The following HEXD variants were observed in gnomAD, a reference collection of about 807,000 sequenced individuals.
HEXD encodes the protein N-acetyl-beta-galactosaminidase.
HEXD carries 47 observed loss-of-function variants against 54.2 expected under a neutral mutation model. The observed-to-expected ratio is 0.87, with a 90% CI of 0.69 to 1.11. HEXD has a LOEUF of 1.11. Among genes scored for constraint, HEXD ranks in the 50% least tolerant of loss-of-function variants. The pLI, the probability that HEXD is intolerant of heterozygous loss-of-function variation, is 0.00. For missense variants in HEXD, 576 were observed against 649.2 expected (o/e 0.89, Z 1.23); for synonymous variants, 293 against 287.6 (o/e 1.02, Z -0.19).
intron 4 of HEXD, among the ~76,000 whole-genome samples, chr17:82,432,857 A>G (rs1432037183): frequency 6.7e-6 from 1 of 150,284 alleles, no homozygotes; most frequent in Non-Finnish European, 1.5e-5. Flanking sequence ...AGGTCAGGAG[A>G]TCGAGACCAT....
At chr17:82,432,020 T>G (rs1261635419) in intron 4 of HEXD, among the ~76,000 whole-genome samples, 1 of 152,202 alleles carries the variant, frequency 6.6e-6, no homozygotes, top group East Asian at 1.9e-4. Context: ...TGAGATTTTT[T>G]GGTTCTTATT....
intron 2 of HEXD, 151 bp from the exon 3 acceptor site, chr17:82,424,243 C>T (rs1487222954): frequency 6.2e-6 from 4 of 646,676 alleles, no homozygotes; most frequent in Non-Finnish European, 1.1e-5. Flanking sequence ...ACGTAAAGTA[C>T]ACATTCCGGA....
At chr17:82,433,091 A>AAAAAATAT (rs1555617647) in intron 4 of HEXD, among the ~76,000 whole-genome samples, 2 of 13,234 alleles carry the variant, frequency 1.5e-4, no homozygotes, top group Non-Finnish European at 2.1e-4. Flanking sequence ...AAAAAAAAAA[A>AAAAAATAT]ATATATATAT....
chr17:82,442,058 G>C lies in HEXD; in HGVS notation c.1254-119G>C. On this transcript the variant is annotated intron_variant, in intron 12 of 12. Coordinates refer to ENST00000327949, the MANE Select transcript of HEXD (RefSeq NM_001330542.2). The surrounding 1 kb of genome is among the most constrained non-coding windows in gnomAD (Gnocchi z 6.8). ...GACTTGTTCCTCCCGACATGCCGAT[G>C]AGGTAGGGTCAGTAGCCCCATTTCA... 2.2e-6 allele frequency: 3 copies of C among 1,372,718 alleles called. No homozygotes were observed. Among genetic ancestry groups the C allele is most frequent in the Non-Finnish European group, 3.0e-6 (3 of 994,268 alleles). 85.0% of individuals were successfully genotyped at this position (1,372,718 alleles called of 1,614,324 possible).
Position 82,434,360 on chromosome 17 carries a change from CTCAG to C in HEXD, c.447+543_447+546del, listed in dbSNP as rs1330964792. Among the ~76,000 whole-genome samples the C allele has an allele frequency of 4.6e-5, 7 of 152,206 alleles. No homozygotes were observed. The highest frequency in any genetic ancestry group is 1.7e-4 in the African/African-American group (7 of 41,442). On this transcript the variant is annotated intron_variant, in intron 5 of 12. Coordinates refer to ENST00000327949, the MANE Select transcript of HEXD (RefSeq NM_001330542.2). This position sits in a 1 kb window ranked among gnomAD's most constrained non-coding sequence, Gnocchi z 4.5. ...CCTCCTGCCACTCACTGGACTCCAA[CTCAG>C]TCAGGGCCTGGGCAGGATGTGGAAC...
intron 8 of HEXD, 65 bp downstream of exon 8, chr17:82,437,428 G>A (rs2053802337): frequency 2.9e-6 from 4 of 1,386,598 alleles, no homozygotes; most frequent in African/African-American, 1.5e-5. Flanking sequence ...ACGTCGGCCT[G>A]TGCAGCGTCC....
chr17:82,433,120 ATATATATATT>A (rs2053648586), intron 4 of HEXD, among the ~76,000 whole-genome samples: 3 of 18,196 alleles, frequency 1.6e-4, no homozygotes, highest in African/African-American at 1.0e-3. Flanking sequence ...ATATATATAT[ATATATATATT>A]TTTTTTTTTT....
rs8080991 is a variant in HEXD, at chr17:82,440,707, C to T, written c.983-290C>T. ...CTGGACACCTGTGTGGGTCGGGCTG[C>T]GCCCAGCAGGAAGAGCCACTTGCTG... On this transcript the variant is annotated intron_variant, in intron 9 of 12. Transcript: ENST00000327949. 5.0e-3 allele frequency: 2,341 copies of T among 472,302 alleles called. 51 individuals are homozygous for T. The highest frequency in any genetic ancestry group is 0.043 in the African/African-American group (2,189 of 50,598). The allele number at this position is 472,302 out of a possible 1,614,324, so 29.3% of individuals were successfully genotyped here.
rs142373608 is a variant in HEXD at position 82,421,443 on chromosome 17, C to G, written c.84+1560C>G. Among the ~76,000 whole-genome samples the G allele has an allele frequency of 7.2e-5, 11 of 152,276 alleles. No individual in the cohort carries two copies. In the East Asian group the frequency reaches 2.1e-3, roughly 29 times the overall value. On this transcript the variant is annotated intron_variant, in intron 2 of 12. Coordinates refer to ENST00000327949, the MANE Select transcript of HEXD (RefSeq NM_001330542.2). The stretch of plus-strand genomic sequence containing the variant: ...CACTGCAGAAGCAGCTACACAGAGC[C>G]TGCAGTTTCTAATACCGCGTGGCAG...
Position 82,442,537 on chromosome 17 carries a change from TG to T in HEXD, c.*158del. The T allele has an allele frequency of 1.3e-6, 2 of 1,587,970 alleles. No homozygotes were observed. The highest frequency in any genetic ancestry group is 1.7e-6 in the Non-Finnish European group (2 of 1,158,776). Reference sequence around the variant, plus strand: ...GTTCCTGAGGGCCCTGGGCAGCCCCTGGGGGAGAGACTAGAAAACACAGAAG... The same window carrying T: ...GTTCCTGAGGGCCCTGGGCAGCCCCTGGGGAGAGACTAGAAAACACAGAAG... On this transcript the variant is annotated 3_prime_UTR_variant, in exon 13 of 13. Coordinates refer to ENST00000327949, the MANE Select transcript of HEXD (RefSeq NM_001330542.2). This position sits in a 1 kb window ranked among gnomAD's most constrained non-coding sequence, Gnocchi z 6.8.
At chr17:82,432,229 G>A (rs1240451369) in intron 4 of HEXD, among the ~76,000 whole-genome samples, 2 of 152,152 alleles carry the variant, frequency 1.3e-5, no homozygotes, top group African/African-American at 2.4e-5. Flanking sequence ...GTCCCTGCAC[G>A]TGTGTGTGGC....
In HEXD at chr17:82,424,468, C is replaced by T; in HGVS notation, c.159C>T (p.Gly53=). 6.2e-7 allele frequency: 1 copy of T among 1,613,980 alleles called. No individual in the cohort carries two copies. The highest frequency in any genetic ancestry group is 8.5e-7 in the Non-Finnish European group (1 of 1,179,860). Residue 53 remains glycine (G), a synonymous_variant, in exon 3 of 13, where the codon GGC becomes GGT. Coordinates refer to ENST00000327949, the MANE Select transcript of HEXD (RefSeq NM_001330542.2). ...ATGAAGACATGTTTCCCTACGAGGG[C>T]CCTCTGAGGCTGCTGAGGGCCAAGT... ...IEYEDMFPYE[G]PLRLLRAKYA... is the part of the protein sequence containing the mutation.
intron 4 of HEXD, among the ~76,000 whole-genome samples, chr17:82,432,688 C>T (rs954072137): frequency 2.6e-5 from 4 of 151,886 alleles, no homozygotes; most frequent in East Asian, 2.0e-4. Flanking sequence ...GTGATCTTCC[C>T]GCTTCAGCCT....
chr17:82,431,410 C>T (rs987114474), intron 4 of HEXD, among the ~76,000 whole-genome samples: 11 of 151,318 alleles, frequency 7.3e-5, no homozygotes, highest in African/African-American at 2.7e-4. Flanking sequence ...ATCTTCCCGC[C>T]TCTGCCTCCC....
rs931428769 is a variant in HEXD at position 82,441,345 on chromosome 17, T to C, written c.1163+79T>C. ...GTGCAGGTGAGGGGGCAGGTGTGGG[T>C]GGGAGGCAGGTGCGGGTGAGGGGCA... On this transcript the variant is annotated intron_variant, in intron 11 of 12. Transcript: ENST00000327949. 1.2e-4 allele frequency: 72 copies of C among 579,202 alleles called. 1 individual carries two copies. The East Asian group carries it at 3.2e-3, about 26-fold the overall frequency. 35.9% of individuals were successfully genotyped at this position (579,202 alleles called of 1,614,324 possible).
intron 2 of HEXD, among the ~76,000 whole-genome samples, chr17:82,421,595 AC>A: frequency 2.0e-5 from 3 of 150,634 alleles, no homozygotes; most frequent in Non-Finnish European, 4.4e-5. Context: ...GGAGGCCAAG[AC>A]GGACAGATCA....
chr17:82,441,411 G>C, intron 11 of HEXD, 145 bp downstream of exon 11: 2 of 943,180 alleles, frequency 2.1e-6, no homozygotes, highest in Non-Finnish European at 3.1e-6. Context: ...GTGCGGGTGA[G>C]GGGCAGGTGT....
At chr17:82,429,037 A>G (rs562298718) in intron 4 of HEXD, among the ~76,000 whole-genome samples, 26 of 152,288 alleles carry the variant, frequency 1.7e-4, no homozygotes, top group Non-Finnish European at 3.5e-4. Context: ...AGGCTGGTGG[A>G]TCACCTGAGG....
chr17:82,418,842 C>T (rs1050688797), intron 1 of HEXD, 102 bp downstream of exon 1: 5 of 152,288 alleles, frequency 3.3e-5, no homozygotes, highest in Non-Finnish European at 1.5e-5. Flanking sequence ...GGCCGGGCTC[C>T]CGAGCGACGC....
Sources: gnomAD v4.1 joint callset for allele counts (sites outside exome capture counted in the v4.1 genomes callset) on GRCh38, gnomAD v4.1.1 for gene constraint, Gnocchi (gnomAD v3.1) non-coding constraint, MANE v1.5 for transcripts, NCBI Gene and HGNC (gene_info 2026-07-23, HGNC 2026-07-21) for gene names.